The following ABCC1 variants were observed in gnomAD, a reference collection of about 807,000 sequenced individuals.
ABCC1 encodes ATP binding cassette subfamily C member 1 (ABCC1 blood group), also known as multidrug resistance-associated protein 1.
In ABCC1, 83 loss-of-function variants were observed where a neutral mutation model predicts 172.9. The observed-to-expected ratio is 0.48, with a 90% CI of 0.40 to 0.58. The LOEUF is 0.58. ABCC1 is among the 20% of genes least tolerant of loss of function. ABCC1 has a pLI of 0.00. For synonymous variants in ABCC1, 937 were observed against 825.2 expected, an observed-to-expected ratio of 1.14 and a Z score of -2.32; for missense variants, 1,817 against 2,002.7, an observed-to-expected ratio of 0.91 and a Z score of 1.77.
rs572817218 is a variant in ABCC1, at chr16:16,039,959, G to A, written c.809+3356G>A. On this transcript the variant is annotated intron_variant, in intron 7 of 30. Transcript: ENST00000399410. ...TGAAGCAGGAGAAGGATTTGCAGGG[G>A]TCTCCTCTGAGAGTTAAGGTGGGAT... 4.6e-5 allele frequency among the ~76,000 whole-genome samples: 7 copies of A among 152,222 alleles called. No individual in the cohort carries two copies. In the South Asian group the frequency reaches 6.2e-4, roughly 14 times the overall value.
chr16:15,969,433 C>T (rs1324156522), intron 1 of ABCC1, among the ~76,000 whole-genome samples: 5 of 147,012 alleles, frequency 3.4e-5, no homozygotes, highest in South Asian at 2.1e-4. Context: ...AGTGCAGTAG[C>T]GTGATCTCGG....
intron 29 of ABCC1, among the ~76,000 whole-genome samples, chr16:16,137,706 C>G (rs983356531): frequency 6.6e-6 from 1 of 151,780 alleles, no homozygotes; most frequent in Non-Finnish European, 1.5e-5. Context: ...GTGCCTGTCA[C>G]CATGCCCAGT....
intron 13 of ABCC1, among the ~76,000 whole-genome samples, chr16:16,070,762 T>C (rs919585268): frequency 6.6e-6 from 1 of 152,234 alleles, no homozygotes; most frequent in African/African-American, 2.4e-5. Flanking sequence ...TCATTTGTTT[T>C]TAATGCTAAA....
At chr16:16,010,579 T>C (rs2047739655) in intron 3 of ABCC1, among the ~76,000 whole-genome samples, 1 of 152,186 alleles carries the variant, frequency 6.6e-6, no homozygotes, top group South Asian at 2.1e-4. Context: ...AGGAAACTGC[T>C]CTGTCCCGGG....
chr16:16,018,755 A>G (rs1338130286), intron 5 of ABCC1, among the ~76,000 whole-genome samples: 1 of 149,884 alleles, frequency 6.7e-6, no homozygotes, highest in Non-Finnish European at 1.5e-5. Flanking sequence ...ATGTGCTTAT[A>G]TGTGAATGTG....
rs183032276 is a variant in ABCC1 at position 16,136,506 on chromosome 16, G to A, written c.4154G>A (p.Arg1385Gln). 438 of 1,614,108 alleles carry A rather than the reference G, an allele frequency of 2.7e-4. 1 individual carries two copies. The African/African-American group carries it at 5.2e-3, about 19-fold the overall frequency. Residue 1385 changes from arginine to glutamine, a missense_variant, in exon 29 of 31, where the codon CGA becomes CAA. By Grantham distance (43) the Arg-to-Gln change is conservative. Coordinates refer to ENST00000399410, the MANE Select transcript of ABCC1 (RefSeq NM_004996.4). ...QDPVLFSGSL[R>Q]MNLDPFSQYS... is the part of the protein sequence containing the mutation. ...CCTGTTTTGTTTTCGGGTTCCCTCC[G>A]AATGAACCTGGACCCATTCAGCCAG...
At chr16:16,086,348 G>A (rs1427521252) in intron 17 of ABCC1, among the ~76,000 whole-genome samples, 1 of 152,232 alleles carries the variant, frequency 6.6e-6, no homozygotes, top group Non-Finnish European at 1.5e-5. Context: ...GTTTGTGCAG[G>A]CGTGACCTCA....
intron 1 of ABCC1, among the ~76,000 whole-genome samples, chr16:15,958,372 A>G (rs1328640193): frequency 6.6e-6 from 1 of 152,008 alleles, no homozygotes; most frequent in Non-Finnish European, 1.5e-5. Flanking sequence ...AGCCTCCCAA[A>G]GTGCTGGGAT....
At position 16,042,425 on chromosome 16, in the gene ABCC1, G is replaced by A. The variant is rs1033480542; in HGVS notation, c.810-2025G>A. On this transcript the variant is annotated intron_variant, in intron 7 of 30. Coordinates refer to ENST00000399410, the MANE Select transcript of ABCC1 (RefSeq NM_004996.4). ...GATGTACAAGAACGAACTATTGGCCGGGCACAGTGGCTCATGCCCATAATC... is the reference window on the plus strand; with the variant it reads ...GATGTACAAGAACGAACTATTGGCCAGGCACAGTGGCTCATGCCCATAATC... Among the ~76,000 whole-genome samples the A allele has an allele frequency of 1.2e-4, 18 of 152,050 alleles. 1 individual carries two copies. The highest frequency in any genetic ancestry group is 1.9e-4 in the East Asian group (1 of 5,174).
intron 1 of ABCC1, among the ~76,000 whole-genome samples, chr16:15,995,977 GTTTTTTT>G (rs565769136): frequency 5.1e-5 from 5 of 98,604 alleles, no homozygotes; most frequent in Non-Finnish European, 7.6e-5. Flanking sequence ...GCCCAGCTAA[GTTTTTTT>G]TTTTTTTTTT....
chr16:16,078,717 C>A (rs2050687042), intron 15 of ABCC1, among the ~76,000 whole-genome samples: 1 of 152,204 alleles, frequency 6.6e-6, no homozygotes. Flanking sequence ...CACGCTCTTG[C>A]CCAGATCGGA....
At chr16:15,981,602 G>T (rs2046621424) in intron 1 of ABCC1, among the ~76,000 whole-genome samples, 1 of 152,256 alleles carries the variant, frequency 6.6e-6, no homozygotes, top group South Asian at 2.1e-4. Context: ...TCCCTAGGCA[G>T]CACACAGCAG....
At chr16:15,975,700 G>T (rs950460684) in intron 1 of ABCC1, among the ~76,000 whole-genome samples, 9 of 151,754 alleles carry the variant, frequency 5.9e-5, no homozygotes, top group Non-Finnish European at 8.8e-5. Flanking sequence ...GGGATTACAG[G>T]CATGCGCCAC....
chr16:16,002,906 T>C (rs537022268), intron 1 of ABCC1, among the ~76,000 whole-genome samples: 2 of 152,360 alleles, frequency 1.3e-5, no homozygotes, highest in African/African-American at 4.8e-5. Context: ...ATGTAAGATG[T>C]TAGCAATGGT....
At chr16:16,047,809 C>T (rs997557841) in intron 9 of ABCC1, among the ~76,000 whole-genome samples, 2 of 151,788 alleles carry the variant, frequency 1.3e-5, no homozygotes, top group Non-Finnish European at 2.9e-5. Context: ...TTGCAGAATC[C>T]AAAACAACTC....
chr16:16,074,781 A>G (rs2050489036), intron 14 of ABCC1, among the ~76,000 whole-genome samples: 2 of 152,094 alleles, frequency 1.3e-5, no homozygotes, highest in South Asian at 4.2e-4. Context: ...AAGTTAATCT[A>G]GGTTAACCAG....
intron 3 of ABCC1, among the ~76,000 whole-genome samples, chr16:16,011,799 G>A (rs6498596): frequency 0.63 from 95,847 of 151,698 alleles, 30,875 homozygotes; most frequent in Non-Finnish European, 0.7. Context: ...CCTCCCGAGA[G>A]GCTGGGATTA....
At position 16,026,447 on chromosome 16, in the gene ABCC1, A is replaced by G. The variant is rs1231949605; in HGVS notation, c.616-6662A>G. On this transcript the variant is annotated intron_variant, in intron 5 of 30. Transcript: ENST00000399410. ...GAAACCGTCTCAAAAAAAAAAAAAA[A>G]AAAAAAAAGGCTATTTCCTTTTTTT... Among the ~76,000 whole-genome samples the G allele has an allele frequency of 3.8e-3, 553 of 145,094 alleles. 2 individuals are homozygous for G. The highest frequency in any genetic ancestry group is 0.014 in the African/African-American group (534 of 38,168).
chr16:15,949,875 C>T, intron 1 of ABCC1, 76 bp downstream of exon 1: 1 of 1,133,520 alleles, frequency 8.8e-7, no homozygotes, highest in Non-Finnish European at 1.1e-6. Context: ...GGCCCGCAGC[C>T]GCCCGGGGCA....
Sources: allele counts gnomAD v4.1 joint callset (sites outside exome capture counted in the v4.1 genomes callset), GRCh38; gene constraint gnomAD v4.1.1; transcripts MANE v1.5; gene names NCBI Gene and HGNC (gene_info 2026-07-23, HGNC 2026-07-21).